ENTREP2: variants seen among roughly 807,000 people sequenced by gnomAD.
ENTREP2 encodes endosomal transmembrane epsin interactor 2.
At chr15:29,259,420 C>G in the ENTREP2 span, among the ~76,000 whole-genome samples, 5 of 152,118 alleles carry the variant, frequency 3.3e-5, no homozygotes, top group East Asian at 5.8e-4. Flanking sequence ...TCTAGCTCCC[C>G]CTAAAGTACC....
the ENTREP2 span, among the ~76,000 whole-genome samples, chr15:29,366,094 G>A: frequency 6.6e-6 from 1 of 152,126 alleles, no homozygotes; most frequent in East Asian, 1.9e-4. Flanking sequence ...TTATTTTCGA[G>A]ATGAAGTCTT....
the ENTREP2 span, among the ~76,000 whole-genome samples, chr15:29,560,433 A>G: frequency 0.92 from 139,870 of 152,180 alleles, 64,420 homozygotes; most frequent in East Asian, 0.98. Context: ...AGAGAGAGAG[A>G]AGCCTGGGCC....
At chr15:29,202,982 A>G in the ENTREP2 span, among the ~76,000 whole-genome samples, 2 of 152,232 alleles carry the variant, frequency 1.3e-5, no homozygotes, top group Non-Finnish European at 2.9e-5. Context: ...ATGATTTATA[A>G]TCCTTTGGGT....
the ENTREP2 span, among the ~76,000 whole-genome samples, chr15:29,363,926 A>G: frequency 6.6e-6 from 1 of 152,222 alleles, no homozygotes; most frequent in Non-Finnish European, 1.5e-5. Flanking sequence ...AGTGTCCAGG[A>G]TAACAGGAGA....
the ENTREP2 span, among the ~76,000 whole-genome samples, chr15:29,200,225 G>C: frequency 1.3e-5 from 2 of 152,036 alleles, no homozygotes; most frequent in Non-Finnish European, 2.9e-5. Context: ...ACCCAGGCTG[G>C]AGTGCAGTGG....
At chr15:29,159,465 G>A in the ENTREP2 span, among the ~76,000 whole-genome samples, 1 of 152,164 alleles carries the variant, frequency 6.6e-6, no homozygotes, top group African/African-American at 2.4e-5. Context: ...CTGCTAGCTT[G>A]GGCAGCCTGC....
chr15:29,418,639 A>G, the ENTREP2 span, among the ~76,000 whole-genome samples: 2 of 152,236 alleles, frequency 1.3e-5, no homozygotes, highest in Non-Finnish European at 2.9e-5. Flanking sequence ...CAGTGTCCCC[A>G]GTAAGAACAA....
At chr15:29,498,472 T>C in the ENTREP2 span, among the ~76,000 whole-genome samples, 5,239 of 152,260 alleles carry the variant, frequency 0.034, 287 homozygotes, top group African/African-American at 0.12. Context: ...AGTTTCATGA[T>C]ACTATGATCA....
the ENTREP2 span, among the ~76,000 whole-genome samples, chr15:29,386,979 A>C: frequency 6.6e-6 from 1 of 152,202 alleles, no homozygotes; most frequent in Non-Finnish European, 1.5e-5. Context: ...TCCTAATTGA[A>C]TACCCTTTAT....
the ENTREP2 span, among the ~76,000 whole-genome samples, chr15:29,318,769 C>G: frequency 6.6e-6 from 1 of 152,182 alleles, no homozygotes; most frequent in Non-Finnish European, 1.5e-5. Context: ...TTGCAATAGT[C>G]TGCAACAGAA....
the ENTREP2 span, among the ~76,000 whole-genome samples, chr15:29,514,367 G>GTAC: frequency 1.4e-4 from 22 of 152,280 alleles, no homozygotes; most frequent in Admixed American, 4.6e-4. Flanking sequence ...GTTCATCCAT[G>GTAC]TTGTAGCCTG....
chr15:29,159,258 G>A, the ENTREP2 span, among the ~76,000 whole-genome samples: 1 of 152,082 alleles, frequency 6.6e-6, no homozygotes. Context: ...AGCTCTTAAG[G>A]CGGCGTGTCT....
chr15:29,164,311 C>T, the ENTREP2 span, among the ~76,000 whole-genome samples: 11 of 152,128 alleles, frequency 7.2e-5, no homozygotes, highest in Non-Finnish European at 1.3e-4. Flanking sequence ...ACAAATAGCA[C>T]AATGAATGCA....
At chr15:29,447,263 T>C in the ENTREP2 span, among the ~76,000 whole-genome samples, 1 of 152,112 alleles carries the variant, frequency 6.6e-6, no homozygotes, top group East Asian at 1.9e-4. Flanking sequence ...AATGCTAAGA[T>C]TTCCATGGAG....
At chr15:29,157,087 ACT>A in the ENTREP2 span, among the ~76,000 whole-genome samples, 10 of 152,064 alleles carry the variant, frequency 6.6e-5, no homozygotes, top group African/African-American at 2.4e-4. Flanking sequence ...ACAAAGCGAG[ACT>A]CTGTCTGGAA....
At chr15:29,652,855 G>T in the ENTREP2 span, among the ~76,000 whole-genome samples, 1 of 152,170 alleles carries the variant, frequency 6.6e-6, no homozygotes. Flanking sequence ...GATCCAGGCC[G>T]GTAGCATGAG....
At chr15:29,485,112 C>T in the ENTREP2 span, among the ~76,000 whole-genome samples, 2 of 152,098 alleles carry the variant, frequency 1.3e-5, no homozygotes, top group Non-Finnish European at 2.9e-5. Flanking sequence ...CCATCCTCCA[C>T]AAAACCATTG....
At chr15:29,196,981 ATC>A in the ENTREP2 span, among the ~76,000 whole-genome samples, 1 of 152,070 alleles carries the variant, frequency 6.6e-6, no homozygotes. Flanking sequence ...ACTCCTGCTC[ATC>A]CATCAAGACC....
chr15:29,129,805 G>C, the ENTREP2 span, among the ~76,000 whole-genome samples: 1 of 152,190 alleles, frequency 6.6e-6, no homozygotes. Flanking sequence ...CCTCCCGGAT[G>C]CGATGTTTGG....
Sources: gnomAD v4.1 joint callset for allele counts (sites outside exome capture counted in the v4.1 genomes callset) on GRCh38, gnomAD v4.1.1 for gene constraint, MANE v1.5 for transcripts, NCBI Gene and HGNC (gene_info 2026-07-23, HGNC 2026-07-21) for gene names.